Variants in CCDC102B observed in about 807,000 individuals in gnomAD.
CCDC102B encodes coiled-coil domain containing 102B, also known as coiled-coil domain-containing protein 102B.
A neutral mutation model predicts 57.4 loss-of-function variants in CCDC102B; 75 were observed. The ratio of observed to expected loss-of-function variants is 1.31; its 90% CI spans 1.08 to 1.58. CCDC102B has a LOEUF of 1.58. CCDC102B is among the 40% of genes most tolerant of loss of function. The pLI is 0.00. For missense variants in CCDC102B, 636 were observed against 582.6 expected, an observed-to-expected ratio of 1.09 and a Z score of -0.94; for synonymous variants, 206 against 201.9, an observed-to-expected ratio of 1.02 and a Z score of -0.17.
intron 2 of CCDC102B, among the ~76,000 whole-genome samples, chr18:68,726,034 G>A (rs1014603629): frequency 2.0e-5 from 3 of 152,142 alleles, no homozygotes; most frequent in Non-Finnish European, 4.4e-5. Context: ...AGTCCATTCA[G>A]GGTGATAGAA....
intron 6 of CCDC102B, among the ~76,000 whole-genome samples, chr18:68,913,858 A>G (rs2040971378): frequency 6.6e-6 from 1 of 152,134 alleles, no homozygotes; most frequent in Admixed American, 6.5e-5. Context: ...ATAAATTTAC[A>G]TACAGAGACA....
chr18:68,856,109 A>C (rs893330435), intron 4 of CCDC102B, among the ~76,000 whole-genome samples: 2 of 152,170 alleles, frequency 1.3e-5, no homozygotes, highest in South Asian at 4.1e-4. Context: ...TGATAAAGTT[A>C]AATCACATAC....
chr18:68,729,641 T>C (rs2032768668), intron 2 of CCDC102B, among the ~76,000 whole-genome samples: 1 of 152,042 alleles, frequency 6.6e-6, no homozygotes, highest in Non-Finnish European at 1.5e-5. Context: ...CCCTACACAA[T>C]TGACAAAAAG....
intron 5 of CCDC102B, among the ~76,000 whole-genome samples, chr18:68,875,268 C>T (rs547054748): frequency 6.6e-6 from 1 of 151,774 alleles, no homozygotes; most frequent in East Asian, 1.9e-4. Context: ...TCCACTCCTG[C>T]CACCACCAAC....
intron 6 of CCDC102B, among the ~76,000 whole-genome samples, chr18:68,931,103 A>G (rs753401771): frequency 1.3e-5 from 2 of 151,916 alleles, no homozygotes; most frequent in Non-Finnish European, 2.9e-5. Flanking sequence ...TTGAGTAGAT[A>G]AACTTACAGT....
chr18:68,990,066 A>C (rs1193063939), intron 6 of CCDC102B, among the ~76,000 whole-genome samples: 1 of 152,186 alleles, frequency 6.6e-6, no homozygotes. Flanking sequence ...GTTCCAAAAA[A>C]TTCTGAAATT....
chr18:68,753,817 C>T (rs1266061393), intron 2 of CCDC102B: 1 of 152,050 alleles, frequency 6.6e-6, no homozygotes, highest in African/African-American at 2.4e-5. Context: ...CCATCTGGTC[C>T]TCTCAAAGTA....
chr18:68,944,846 C>T (rs1328271692), intron 6 of CCDC102B, among the ~76,000 whole-genome samples: 2 of 151,964 alleles, frequency 1.3e-5, no homozygotes, highest in Non-Finnish European at 2.9e-5. Context: ...CTAACTACCT[C>T]ATCAAGATGC....
chr18:69,040,064 A>G (rs887167910), intron 7 of CCDC102B, among the ~76,000 whole-genome samples: 7 of 151,870 alleles, frequency 4.6e-5, no homozygotes, highest in African/African-American at 1.7e-4. Flanking sequence ...GAGGCAGGGG[A>G]AAGGCTTATA....
intron 2 of CCDC102B, among the ~76,000 whole-genome samples, chr18:68,757,916 A>G (rs1033728990): frequency 7.9e-5 from 12 of 151,652 alleles, no homozygotes; most frequent in Non-Finnish European, 1.5e-4. Flanking sequence ...TTGAACACAT[A>G]TTAGAAAGAC....
chr18:69,014,603 T>TG (rs1048191247), intron 7 of CCDC102B, among the ~76,000 whole-genome samples: 6 of 149,910 alleles, frequency 4.0e-5, no homozygotes, highest in South Asian at 2.1e-4. Flanking sequence ...GTGTGTGTGT[T>TG]GGGGGGGCGG....
intron 6 of CCDC102B, among the ~76,000 whole-genome samples, chr18:68,919,672 T>G (rs565157697): frequency 1.3e-5 from 2 of 152,278 alleles, no homozygotes; most frequent in East Asian, 3.9e-4. Flanking sequence ...AAAAAACTTT[T>G]CTTTATAAGT....
At chr18:68,832,957 G>C (rs568825039) in intron 1 of CCDC102B, among the ~76,000 whole-genome samples, 5 of 152,238 alleles carry the variant, frequency 3.3e-5, no homozygotes, top group African/African-American at 1.2e-4. Context: ...TTTGAGCTAT[G>C]ATGAGGAGAT....
chr18:69,018,937 G>A (rs1233408659), intron 7 of CCDC102B, among the ~76,000 whole-genome samples: 1 of 151,864 alleles, frequency 6.6e-6, no homozygotes, highest in East Asian at 1.9e-4. Flanking sequence ...TTATTTTTGT[G>A]TGTGGTGCAA....
intron 7 of CCDC102B, among the ~76,000 whole-genome samples, chr18:69,048,409 A>AT (rs1267737339): frequency 6.6e-6 from 1 of 152,110 alleles, no homozygotes; most frequent in African/African-American, 2.4e-5. Flanking sequence ...AATGTTGAAC[A>AT]TTCTGGTTTC....
At chr18:69,015,936 G>A (rs1212994941) in intron 7 of CCDC102B, among the ~76,000 whole-genome samples, 1 of 151,668 alleles carries the variant, frequency 6.6e-6, no homozygotes, top group Non-Finnish European at 1.5e-5. Context: ...CTCACTGCAA[G>A]CTCTGCCACC....
chr18:69,043,422 G>A (rs939260974), intron 7 of CCDC102B, among the ~76,000 whole-genome samples: 5 of 151,928 alleles, frequency 3.3e-5, no homozygotes, highest in Admixed American at 2.0e-4. Flanking sequence ...GCTTGGGGAC[G>A]GTCAGGTCTT....
At chr18:68,927,753 G>T (rs1006430578) in intron 6 of CCDC102B, among the ~76,000 whole-genome samples, 2 of 151,920 alleles carry the variant, frequency 1.3e-5, no homozygotes, top group African/African-American at 4.8e-5. Context: ...GAGAAGAGGG[G>T]TCTTACATAT....
intron 7 of CCDC102B, among the ~76,000 whole-genome samples, chr18:69,017,119 T>C (rs768909000): frequency 9.2e-5 from 14 of 152,098 alleles, no homozygotes; most frequent in Non-Finnish European, 1.6e-4. Context: ...TTTATTTACT[T>C]ATTTGTTTAT....
Sources: gnomAD v4.1 joint callset for allele counts (sites outside exome capture counted in the v4.1 genomes callset) on GRCh38, gnomAD v4.1.1 for gene constraint, MANE v1.5 for transcripts, NCBI Gene and HGNC (gene_info 2026-07-23, HGNC 2026-07-21) for gene names.